The following PIK3C2G variants were observed in gnomAD, a reference collection of about 807,000 sequenced individuals.
PIK3C2G encodes phosphatidylinositol-4-phosphate 3-kinase catalytic subunit type 2 gamma, also known as phosphatidylinositol 3-kinase C2 domain-containing subunit gamma.
In PIK3C2G, 168 loss-of-function variants were observed where a neutral mutation model predicts 181.1. The observed-to-expected ratio is 0.93, with a 90% CI of 0.82 to 1.05. The LOEUF is 1.05. Ranked by LOEUF, PIK3C2G falls within the 50% of genes least tolerant of loss-of-function variation. The probability of loss-of-function intolerance (pLI) is 0.00; values close to 1 mark genes in which losing one functional copy is unlikely to be tolerated. For missense variants in PIK3C2G, 1,869 were observed against 1,732.8 expected (o/e 1.08, Z -1.40); for synonymous variants, 573 against 592.2 (o/e 0.97, Z 0.47).
intron 25 of PIK3C2G, among the ~76,000 whole-genome samples, chr12:18,545,464 A>G (rs1316891024): frequency 6.6e-6 from 1 of 151,818 alleles, no homozygotes; most frequent in Non-Finnish European, 1.5e-5. Flanking sequence ...CAGAGCAGTA[A>G]ATAATTTATC....
chr12:18,488,369 A>G, intron 18 of PIK3C2G, 80 bp from the exon 19 acceptor site: 1 of 893,492 alleles, frequency 1.1e-6, no homozygotes, highest in Non-Finnish European at 1.6e-6. Context: ...TTAGTTTGAA[A>G]TGCACTTACT....
chr12:18,244,456 G>T (rs1398593342), upstream of PIK3C2G, among the ~76,000 whole-genome samples: 1 of 151,880 alleles, frequency 6.6e-6, no homozygotes, highest in Non-Finnish European at 1.5e-5. Context: ...TAGTAAACAA[G>T]AACTTTTTCC....
At chr12:18,310,075 A>G (rs940342463) in intron 5 of PIK3C2G, among the ~76,000 whole-genome samples, 3 of 151,944 alleles carry the variant, frequency 2.0e-5, no homozygotes, top group African/African-American at 4.8e-5. Context: ...TAATTAATAA[A>G]GGAGAGCCAT....
intron 14 of PIK3C2G, among the ~76,000 whole-genome samples, chr12:18,383,320 C>G (rs1942962346): frequency 6.6e-6 from 1 of 152,148 alleles, no homozygotes; most frequent in Non-Finnish European, 1.5e-5. Flanking sequence ...CAAAATCCAG[C>G]TGGAGAGACA....
intron 18 of PIK3C2G, among the ~76,000 whole-genome samples, chr12:18,443,320 ATGTG>A (rs1396305636): frequency 6.6e-6 from 1 of 152,144 alleles, no homozygotes; most frequent in Non-Finnish European, 1.5e-5. Flanking sequence ...GTATGTATGT[ATGTG>A]TGTATGTTTA....
At chr12:18,498,686 AG>A (rs1337199669) in intron 22 of PIK3C2G, among the ~76,000 whole-genome samples, 2 of 152,106 alleles carry the variant, frequency 1.3e-5, no homozygotes, top group African/African-American at 4.8e-5. Context: ...CCCAGTCAAC[AG>A]TTGAGATTTT....
chr12:18,312,499 G>A (rs1231569077), intron 5 of PIK3C2G, among the ~76,000 whole-genome samples: 1 of 152,096 alleles, frequency 6.6e-6, no homozygotes, highest in African/African-American at 2.4e-5. Flanking sequence ...GTTGAGTAGA[G>A]GGAGATGAAA....
At chr12:18,524,037 A>G (rs1336963102) in intron 24 of PIK3C2G, among the ~76,000 whole-genome samples, 1 of 152,154 alleles carries the variant, frequency 6.6e-6, no homozygotes, top group African/African-American at 2.4e-5. Flanking sequence ...AACCCCCACA[A>G]TCTGTGTGCT....
intron 1 of PIK3C2G, among the ~76,000 whole-genome samples, chr12:18,270,164 C>A (rs1948688780): frequency 6.6e-6 from 1 of 152,200 alleles, no homozygotes; most frequent in Middle Eastern, 3.4e-3. Flanking sequence ...CCCACCTCAG[C>A]CTCCCAAAGT....
At chr12:18,500,532 G>T (rs1460878111) in intron 22 of PIK3C2G, among the ~76,000 whole-genome samples, 1 of 152,190 alleles carries the variant, frequency 6.6e-6, no homozygotes, top group Non-Finnish European at 1.5e-5. Context: ...GAGTGTGGGC[G>T]CACGGCGCAG....
At chr12:18,287,139 C>T (rs1949479705) in intron 3 of PIK3C2G, among the ~76,000 whole-genome samples, 1 of 152,040 alleles carries the variant, frequency 6.6e-6, no homozygotes. Flanking sequence ...ATGTTTTTCT[C>T]TTAAAAATTT....
At chr12:18,465,348 T>A (rs889808483) in intron 18 of PIK3C2G, among the ~76,000 whole-genome samples, 7 of 151,940 alleles carry the variant, frequency 4.6e-5, no homozygotes, top group African/African-American at 1.7e-4. Context: ...TATATTTAGC[T>A]TTACAATATG....
chr12:18,622,126 T>C (rs1333559293), intron 31 of PIK3C2G, among the ~76,000 whole-genome samples: 1 of 151,924 alleles, frequency 6.6e-6, no homozygotes, highest in Non-Finnish European at 1.5e-5. Flanking sequence ...ATTAGTGATA[T>C]TCAGCATGCT....
At chr12:18,364,682 G>GGT (rs972911904) in intron 12 of PIK3C2G, among the ~76,000 whole-genome samples, 4 of 152,058 alleles carry the variant, frequency 2.6e-5, no homozygotes. Flanking sequence ...TGGATCACTT[G>GGT]AGGTCAGAAG....
At chr12:18,522,292 G>A (rs1040433949) in intron 24 of PIK3C2G, among the ~76,000 whole-genome samples, 2 of 152,190 alleles carry the variant, frequency 1.3e-5, no homozygotes, top group Admixed American at 6.5e-5. Context: ...ACCACCCTTA[G>A]AGTGTTAGAG....
At chr12:18,358,269 T>C (rs1200367000) in intron 11 of PIK3C2G, among the ~76,000 whole-genome samples, 1 of 152,240 alleles carries the variant, frequency 6.6e-6, no homozygotes, top group African/African-American at 2.4e-5. Context: ...CCGGAAGTAG[T>C]CCACTAGGCA....
At chr12:18,542,903 A>G (rs1258425772) in intron 25 of PIK3C2G, among the ~76,000 whole-genome samples, 1 of 151,670 alleles carries the variant, frequency 6.6e-6, no homozygotes, top group East Asian at 1.9e-4. Flanking sequence ...AGAATGATAT[A>G]CCCACAATGA....
intron 26 of PIK3C2G, among the ~76,000 whole-genome samples, chr12:18,550,473 GGATTTTAAAACTTAGGGA>G (rs1177129476): frequency 2.6e-5 from 4 of 151,742 alleles, no homozygotes; most frequent in African/African-American, 9.7e-5. Flanking sequence ...GATATCACAT[GGATTTTAAAACTTAGGGA>G]GACTAAATGC....
rs1939104106 is a variant in PIK3C2G at position 18,477,342 on chromosome 12, T to C, written c.2505-11107T>C. ...CATTTTACAAATGGAAAGGCTGAGG[T>C]TGGAACTGTTAAACTGCTTGTACAG... On this transcript the variant is annotated intron_variant, in intron 18 of 32. Transcript: ENST00000538779. 2.0e-5 allele frequency among the ~76,000 whole-genome samples: 3 copies of C among 151,972 alleles called. No homozygotes were observed. In the South Asian group the frequency reaches 6.2e-4, roughly 32 times the overall value.
Sources: gnomAD v4.1 joint callset for allele counts (sites outside exome capture counted in the v4.1 genomes callset) on GRCh38, gnomAD v4.1.1 for gene constraint, MANE v1.5 for transcripts, NCBI Gene and HGNC (gene_info 2026-07-23, HGNC 2026-07-21) for gene names.